Variants in NRXN3 observed in about 807,000 individuals in gnomAD.
The protein encoded by NRXN3 is neurexin III.
Under a neutral mutation model 137.6 loss-of-function variants are expected in NRXN3, and 32 were observed. The observed-to-expected ratio is 0.23, with a 90% confidence interval of 0.18 to 0.31. NRXN3 has a LOEUF of 0.31. NRXN3 is among the 10% of genes least tolerant of loss of function. The pLI, the probability that NRXN3 is intolerant of heterozygous loss-of-function variation, is 1.00. For missense variants in NRXN3, 1,574 were observed against 2,062.5 expected (o/e 0.76, Z 4.59); for synonymous variants, 798 against 784.5 (o/e 1.02, Z -0.29).
At chr14:79,751,753 C>G (rs1276122388) in intron 19 of NRXN3, among the ~76,000 whole-genome samples, 2 of 151,204 alleles carry the variant, frequency 1.3e-5, no homozygotes, top group Non-Finnish European at 3.0e-5. Flanking sequence ...CCCATCAATA[C>G]CTAATTTATT....
chr14:78,886,695 A>G, intron 10 of NRXN3, among the ~76,000 whole-genome samples: 1 of 152,164 alleles, frequency 6.6e-6, no homozygotes, highest in East Asian at 1.9e-4. Context: ...CAGTCTTATG[A>G]AAGACTAAAG....
intron 4 of NRXN3, among the ~76,000 whole-genome samples, chr14:78,491,712 C>A (rs1438847189): frequency 1.3e-5 from 2 of 152,132 alleles, no homozygotes; most frequent in Admixed American, 6.6e-5. Context: ...CAGCTCCCCA[C>A]CTCCAAACCA....
chr14:79,331,842 G>C (rs1335159489), intron 15 of NRXN3, among the ~76,000 whole-genome samples: 3 of 29,704 alleles, frequency 1.0e-4, no homozygotes, highest in East Asian at 2.0e-3. Flanking sequence ...GGCTTTTGCT[G>C]TGTGTGTGTG....
intron 6 of NRXN3, chr14:78,703,943 G>C (rs1402115910): frequency 6.6e-6 from 1 of 152,184 alleles, no homozygotes; most frequent in Admixed American, 6.5e-5. Context: ...AGCCATCTGG[G>C]CACTCCAGGG....
At chr14:79,383,237 G>A (rs2049526798) in intron 15 of NRXN3, among the ~76,000 whole-genome samples, 2 of 151,986 alleles carry the variant, frequency 1.3e-5, no homozygotes, top group Non-Finnish European at 2.9e-5. Flanking sequence ...TTGGCACTGT[G>A]GAAGTCAGCA....
At chr14:79,570,224 A>G (rs1420551713) in intron 16 of NRXN3, among the ~76,000 whole-genome samples, 4 of 152,036 alleles carry the variant, frequency 2.6e-5, no homozygotes, top group Non-Finnish European at 5.9e-5. Context: ...CTGCCTGTCA[A>G]TCCACCTGGG....
chr14:79,704,411 G>A (rs1350449266), intron 19 of NRXN3, among the ~76,000 whole-genome samples: 1 of 152,020 alleles, frequency 6.6e-6, no homozygotes, highest in Non-Finnish European at 1.5e-5. Flanking sequence ...ATCAAAACTG[G>A]TTATATTTAC....
chr14:78,199,316 C>T lies in NRXN3; in HGVS notation c.-704+28642C>T, dbSNP rs77942135. 2.0e-5 allele frequency among the ~76,000 whole-genome samples: 3 copies of T among 152,088 alleles called. No homozygotes were observed. The East Asian group carries it at 5.8e-4, about 29-fold the overall frequency. ...AGAATCTGAGACACCCCTCCCCCCC[C>T]ACACCCAACACACAGCCTTAGACAC... is the stretch of plus-strand genomic sequence containing the variant. On this transcript the variant is annotated intron_variant, in intron 1 of 20. Coordinates refer to ENST00000335750, the MANE Select transcript of NRXN3 (RefSeq NM_001330195.2).
At chr14:79,569,485 G>A (rs1335441437) in intron 16 of NRXN3, among the ~76,000 whole-genome samples, 1 of 152,086 alleles carries the variant, frequency 6.6e-6, no homozygotes, top group African/African-American at 2.4e-5. Flanking sequence ...TGCAGGCTCT[G>A]GGCTTAAGTT....
At chr14:78,747,482 T>G (rs1478424442) in intron 8 of NRXN3, among the ~76,000 whole-genome samples, 1 of 152,194 alleles carries the variant, frequency 6.6e-6, no homozygotes, top group Non-Finnish European at 1.5e-5. Flanking sequence ...TGATTCTGCT[T>G]CTTATTTCAC....
intron 19 of NRXN3, among the ~76,000 whole-genome samples, chr14:79,783,927 C>G (rs1041638315): frequency 6.6e-6 from 1 of 152,130 alleles, no homozygotes; most frequent in Non-Finnish European, 1.5e-5. Flanking sequence ...TGTTTGGGTG[C>G]TGTGAGTCTT....
chr14:79,304,977 T>G (rs902496958), intron 15 of NRXN3, among the ~76,000 whole-genome samples: 2 of 152,066 alleles, frequency 1.3e-5, no homozygotes, highest in African/African-American at 4.8e-5. Context: ...TCCTGAAGAT[T>G]CTGAATCTTG....
intron 2 of NRXN3, among the ~76,000 whole-genome samples, chr14:78,277,639 T>C (rs886668001): frequency 6.6e-6 from 1 of 152,180 alleles, no homozygotes. Context: ...AGGTTGGTCA[T>C]TGTTTCCTGA....
At chr14:79,465,282 A>G (rs1302056241) in intron 15 of NRXN3, among the ~76,000 whole-genome samples, 8 of 152,200 alleles carry the variant, frequency 5.3e-5, no homozygotes, top group Non-Finnish European at 1.2e-4. Context: ...GTGTTTGTGG[A>G]TGGTAGGAAG....
intron 20 of NRXN3, among the ~76,000 whole-genome samples, chr14:79,811,567 C>CT (rs1458230296): frequency 7.6e-6 from 1 of 131,590 alleles, no homozygotes; most frequent in African/African-American, 2.9e-5. Context: ...ACTTTCTTTT[C>CT]TTTTTTCTTT....
chr14:78,813,626 G>C (rs1329642135), intron 10 of NRXN3, among the ~76,000 whole-genome samples: 1 of 152,036 alleles, frequency 6.6e-6, no homozygotes, highest in African/African-American at 2.4e-5. Context: ...CCTCTGAAAA[G>C]TCACTTGGGT....
intron 15 of NRXN3, among the ~76,000 whole-genome samples, chr14:78,998,375 T>A (rs1463518858): frequency 6.6e-6 from 1 of 152,162 alleles, no homozygotes; most frequent in African/African-American, 2.4e-5. Flanking sequence ...TTTACATCAG[T>A]CCCAGAGTGA....
intron 4 of NRXN3, among the ~76,000 whole-genome samples, chr14:78,326,926 C>CAAAA (rs35177007): frequency 1.7e-5 from 2 of 118,166 alleles, no homozygotes. Flanking sequence ...GAGTGAGTTA[C>CAAAA]AAAAAAAAAA....
chr14:78,880,691 T>C (rs1402898417), intron 10 of NRXN3, among the ~76,000 whole-genome samples: 1 of 152,120 alleles, frequency 6.6e-6, no homozygotes, highest in African/African-American at 2.4e-5. Context: ...AATATATATG[T>C]ATATATGTAT....
Sources: gnomAD v4.1 joint callset for allele counts (sites outside exome capture counted in the v4.1 genomes callset) on GRCh38, gnomAD v4.1.1 for gene constraint, MANE v1.5 for transcripts, NCBI Gene and HGNC (gene_info 2026-07-23, HGNC 2026-07-21) for gene names.